STXBP5L: variants seen among roughly 807,000 people sequenced by gnomAD.
The protein encoded by STXBP5L is syntaxin-binding protein 5-like.
A neutral mutation model predicts 144.5 loss-of-function variants in STXBP5L; 65 were observed. That is an observed-to-expected ratio of 0.45 (90% CI 0.37 to 0.55). The LOEUF (loss-of-function observed/expected upper bound fraction) is 0.55, where lower values mean the gene tolerates loss of function less well. STXBP5L is among the 20% of genes least tolerant of loss of function. The pLI is 0.00. For missense variants in STXBP5L, 1,298 were observed against 1,405.5 expected (o/e 0.92, Z 1.22); for synonymous variants, 505 against 469.6 (o/e 1.08, Z -0.97).
chr3:121,016,884 T>A (rs1945184630), intron 3 of STXBP5L, among the ~76,000 whole-genome samples: 1 of 152,226 alleles, frequency 6.6e-6, no homozygotes, highest in Non-Finnish European at 1.5e-5. Flanking sequence ...ATCAGTTCTC[T>A]GTAATCTCTT....
intron 6 of STXBP5L, among the ~76,000 whole-genome samples, chr3:121,119,174 A>G (rs2044352377): frequency 1.3e-5 from 2 of 151,590 alleles, no homozygotes; most frequent in African/African-American, 2.4e-5. Flanking sequence ...AAAAATTGGT[A>G]GAATGAAGAT....
intron 7 of STXBP5L, among the ~76,000 whole-genome samples, chr3:121,137,978 G>A (rs918806496): frequency 6.6e-6 from 1 of 152,018 alleles, no homozygotes; most frequent in Non-Finnish European, 1.5e-5. Flanking sequence ...TTTGATAGGA[G>A]GAAGTTAAAT....
chr3:120,964,425 C>T (rs1045901980), intron 3 of STXBP5L, among the ~76,000 whole-genome samples: 1 of 152,044 alleles, frequency 6.6e-6, no homozygotes, highest in East Asian at 1.9e-4. Context: ...CTATACATAC[C>T]CTCTATACAC....
intron 5 of STXBP5L, among the ~76,000 whole-genome samples, chr3:121,057,324 A>G (rs1479205971): frequency 2.0e-5 from 3 of 151,972 alleles, no homozygotes; most frequent in East Asian, 1.9e-4. Context: ...CACTCTTTAT[A>G]TAGACTTTCC....
At chr3:121,111,786 C>T (rs943182715) in intron 5 of STXBP5L, among the ~76,000 whole-genome samples, 7 of 152,216 alleles carry the variant, frequency 4.6e-5, no homozygotes, top group African/African-American at 1.7e-4. Flanking sequence ...GAATCCCACT[C>T]ATCTGCACTT....
chr3:120,945,462 C>T (rs146650825), intron 2 of STXBP5L, among the ~76,000 whole-genome samples: 2 of 151,492 alleles, frequency 1.3e-5, no homozygotes, highest in East Asian at 1.9e-4. Context: ...TCTAGGAGTT[C>T]TGTGTTCAAA....
intron 18 of STXBP5L, among the ~76,000 whole-genome samples, chr3:121,268,506 T>C (rs1173922767): frequency 6.6e-6 from 1 of 152,014 alleles, no homozygotes; most frequent in South Asian, 2.1e-4. Context: ...TATACCTAGG[T>C]AACAAACCTG....
chr3:121,369,992 A>G (rs2045982744), intron 20 of STXBP5L, among the ~76,000 whole-genome samples: 1 of 152,112 alleles, frequency 6.6e-6, no homozygotes, highest in Non-Finnish European at 1.5e-5. Context: ...GAGGGGCCTG[A>G]TCGGCAGTGA....
At chr3:121,013,955 C>T (rs1296993889) in intron 3 of STXBP5L, among the ~76,000 whole-genome samples, 2 of 151,790 alleles carry the variant, frequency 1.3e-5, no homozygotes, top group Non-Finnish European at 2.9e-5. Flanking sequence ...TGTAGGTATA[C>T]AGCATTATTT....
At chr3:121,211,601 A>G (rs1411097787) in intron 10 of STXBP5L, among the ~76,000 whole-genome samples, 11 of 104,576 alleles carry the variant, frequency 1.1e-4, no homozygotes, top group African/African-American at 3.5e-4. Flanking sequence ...TTTTTTTGAG[A>G]CAGAGTCTCG....
intron 3 of STXBP5L, among the ~76,000 whole-genome samples, chr3:120,991,579 C>A (rs1175273582): frequency 6.6e-6 from 1 of 152,160 alleles, no homozygotes; most frequent in African/African-American, 2.4e-5. Context: ...TTGGAACCAA[C>A]CCAAATGTCC....
chr3:121,156,740 T>C (rs1045941100), intron 8 of STXBP5L, among the ~76,000 whole-genome samples: 7 of 151,706 alleles, frequency 4.6e-5, no homozygotes, highest in African/African-American at 9.7e-5. Context: ...TAAAACAATA[T>C]AATAATTTAT....
At chr3:120,924,848 C>CT (rs1156976792) in intron 2 of STXBP5L, among the ~76,000 whole-genome samples, 1 of 151,876 alleles carries the variant, frequency 6.6e-6, no homozygotes, top group African/African-American at 2.4e-5. Context: ...GTAGCTGGGA[C>CT]TACAGGCTCC....
At chr3:121,211,088 G>T (rs947749222) in intron 10 of STXBP5L, among the ~76,000 whole-genome samples, 100 of 152,204 alleles carry the variant, frequency 6.6e-4, no homozygotes, top group Non-Finnish European at 2.4e-4. Context: ...CCATTTGTTT[G>T]TGTCCTCTTT....
chr3:121,073,160 A>T (rs1274168371), intron 5 of STXBP5L, among the ~76,000 whole-genome samples: 1 of 152,194 alleles, frequency 6.6e-6, no homozygotes, highest in Non-Finnish European at 1.5e-5. Flanking sequence ...TTTTGGCTTG[A>T]TAAAACCTCA....
chr3:121,170,285 A>G (rs1478334635), intron 9 of STXBP5L, among the ~76,000 whole-genome samples: 1 of 152,186 alleles, frequency 6.6e-6, no homozygotes, highest in African/African-American at 2.4e-5. Context: ...AGTAAAAAGA[A>G]CTAGAGAAGC....
intron 22 of STXBP5L, among the ~76,000 whole-genome samples, chr3:121,394,602 G>GTTTTT (rs373859677): frequency 5.0e-5 from 5 of 99,740 alleles, no homozygotes; most frequent in Non-Finnish European, 5.7e-5. Context: ...TTTGTTGAGG[G>GTTTTT]TTTTTTTTTT....
At position 120,955,390 on chromosome 3, in the gene STXBP5L, A is replaced by G. The variant is rs1350319038; in HGVS notation, c.287+353A>G. On this transcript the variant is annotated intron_variant, in intron 3 of 26. Transcript: ENST00000471454. ...GTGTTTCTATATTCGATTTCATTGAATTCTGCTTTGATCACTTAAATTTCT... is the reference window on the plus strand; with the variant it reads ...GTGTTTCTATATTCGATTTCATTGAGTTCTGCTTTGATCACTTAAATTTCT... 2.0e-5 allele frequency among the ~76,000 whole-genome samples: 3 copies of G among 151,938 alleles called. No homozygotes were observed. In the East Asian group the frequency reaches 5.8e-4, roughly 29 times the overall value.
intron 11 of STXBP5L, among the ~76,000 whole-genome samples, chr3:121,224,549 A>G (rs1210126296): frequency 6.6e-6 from 1 of 152,208 alleles, no homozygotes; most frequent in Non-Finnish European, 1.5e-5. Context: ...TGAGATTATT[A>G]TGACTTGTTA....
Sources: allele counts gnomAD v4.1 joint callset (sites outside exome capture counted in the v4.1 genomes callset), GRCh38; gene constraint gnomAD v4.1.1; transcripts MANE v1.5; gene names NCBI Gene and HGNC (gene_info 2026-07-23, HGNC 2026-07-21).